NSD3: variants seen among roughly 807,000 people sequenced by gnomAD.
NSD3 encodes nuclear receptor binding SET domain protein 3.
In NSD3, 24 loss-of-function variants were observed where a neutral mutation model predicts 160.8. The ratio of observed to expected loss-of-function variants is 0.15; its 90% CI spans 0.11 to 0.21. The LOEUF (loss-of-function observed/expected upper bound fraction) is 0.21. NSD3 is among the 10% of genes least tolerant of loss of function. The pLI is 1.00. For synonymous variants in NSD3, 520 were observed against 600.0 expected (o/e 0.87, Z 1.95); for missense variants, 1,157 against 1,735.9 (o/e 0.67, Z 5.93).
chr8:38,295,763 G>C, intron 16 of NSD3, 33 bp downstream of exon 16: 1 of 1,603,284 alleles, frequency 6.2e-7, no homozygotes, highest in Admixed American at 1.7e-5. Context: ...CACAATGATT[G>C]AATACTTCCT....
At chr8:38,340,471 G>A (rs1396908436) in intron 2 of NSD3, among the ~76,000 whole-genome samples, 1 of 152,108 alleles carries the variant, frequency 6.6e-6, no homozygotes, top group Non-Finnish European at 1.5e-5. Flanking sequence ...CTGAGAAACT[G>A]GGAATACAGG....
At chr8:38,327,873 T>C (rs1809954593) in intron 6 of NSD3, among the ~76,000 whole-genome samples, 1 of 152,096 alleles carries the variant, frequency 6.6e-6, no homozygotes, top group Admixed American at 6.6e-5. Flanking sequence ...TTTAATGCAA[T>C]GGAATAGAAG....
At position 38,332,572 on chromosome 8, in the gene NSD3, C is replaced by T. The variant is rs547688222; in HGVS notation, c.911-987G>A. Reference sequence around the variant, plus strand: ...TGAGAACTGCTGATTAAGGGCAATGCTACTCTGAAATTGGTTTGACAAACA... The same window carrying T: ...TGAGAACTGCTGATTAAGGGCAATGTTACTCTGAAATTGGTTTGACAAACA... On this transcript the variant is annotated intron_variant, in intron 4 of 23. Transcript: ENST00000317025. Among the ~76,000 whole-genome samples the T allele has an allele frequency of 1.4e-4, 22 of 152,280 alleles. 1 individual carries two copies. In the East Asian group the frequency reaches 4.1e-3, roughly 28 times the overall value.
At chr8:38,369,794 T>C (rs537377771) in intron 1 of NSD3, among the ~76,000 whole-genome samples, 1 of 152,130 alleles carries the variant, frequency 6.6e-6, no homozygotes, top group Admixed American at 6.5e-5. Flanking sequence ...TTTTTGTTTT[T>C]GTTTTTGTTT....
Position 38,316,389 on chromosome 8 carries a change from G to A in NSD3, c.1856-347C>T, listed in dbSNP as rs1394223158. On this transcript the variant is annotated intron_variant, in intron 9 of 23. Coordinates refer to ENST00000317025, the MANE Select transcript of NSD3 (RefSeq NM_023034.2). This position sits in a 1 kb window ranked among gnomAD's most constrained non-coding sequence, Gnocchi z 4.5. ...TTCAAAGAACCATTCAATTTGGAGG[G>A]GGAAGACATAAAACCCAACACACTG... is the stretch of plus-strand genomic sequence containing the variant. The A allele has an allele frequency of 2.2e-5, 24 of 1,082,812 alleles. No homozygotes were observed. The highest frequency in any genetic ancestry group is 2.6e-5 in the Non-Finnish European group (23 of 889,172). The allele number at this position is 1,082,812 out of a possible 1,614,324, so 67.1% of individuals were successfully genotyped here. A position where few individuals can be genotyped will look rare whatever the true frequency, so the allele number is the denominator to read the frequency against.
intron 11 of NSD3, 43 bp downstream of exon 11, chr8:38,315,373 T>C: frequency 2.7e-6 from 4 of 1,505,914 alleles, no homozygotes; most frequent in Non-Finnish European, 3.5e-6. Flanking sequence ...TGGCAGAATA[T>C]AATAGCAATT....
chr8:38,359,990 T>G (rs1415070331), intron 1 of NSD3, among the ~76,000 whole-genome samples: 1 of 150,456 alleles, frequency 6.6e-6, no homozygotes, highest in Non-Finnish European at 1.5e-5. Context: ...GGGCATTTCC[T>G]CTCAAACAAT....
chr8:38,286,402 A>G (rs1217129180), intron 19 of NSD3, among the ~76,000 whole-genome samples: 1 of 152,164 alleles, frequency 6.6e-6, no homozygotes, highest in Non-Finnish European at 1.5e-5. Flanking sequence ...GCAGGGAAGC[A>G]GATCCTTCCC....
intron 21 of NSD3, among the ~76,000 whole-genome samples, chr8:38,278,726 C>T (rs1808670097): frequency 6.6e-6 from 1 of 152,178 alleles, no homozygotes; most frequent in Non-Finnish European, 1.5e-5. Flanking sequence ...CCAGTTCAGC[C>T]TTCTTTTCTA....
intron 2 of NSD3, among the ~76,000 whole-genome samples, chr8:38,343,668 A>C (rs746706852): frequency 1.5e-4 from 23 of 152,222 alleles, no homozygotes; most frequent in Non-Finnish European, 2.8e-4. Flanking sequence ...GCACCACTGC[A>C]CTCCACCCTG....
chr8:38,275,572 T>G lies in NSD3; in HGVS notation c.*69A>C, dbSNP rs1808578365. The stretch of plus-strand genomic sequence containing the variant: ...GCAAAGGCTGTATGCACTGTAGCAG[T>G]CTCTTCTTTTTAAATGCATGATCTA... On this transcript the variant is annotated 3_prime_UTR_variant, in exon 24 of 24. Coordinates refer to ENST00000317025, the MANE Select transcript of NSD3 (RefSeq NM_023034.2). 6.9e-7 allele frequency: 1 copy of G among 1,445,706 alleles called. No homozygotes were observed. Among genetic ancestry groups the G allele is most frequent in the African/African-American group, 1.4e-5 (1 of 70,576 alleles). 89.6% of individuals were successfully genotyped at this position (1,445,706 alleles called of 1,614,324 possible).
chr8:38,303,371 G>A, intron 14 of NSD3: 2 of 985,398 alleles, frequency 2.0e-6, no homozygotes, highest in Non-Finnish European at 2.4e-6. Flanking sequence ...TACCAGCCAG[G>A]TTTCAGAGCA....
rs1809695037 is a variant in NSD3 at position 38,317,543 on chromosome 8, CATG to C, written c.1855+1349_1855+1351del. The C allele has an allele frequency of 4.7e-6, 5 of 1,065,568 alleles. No individual in the cohort carries two copies. The highest frequency in any genetic ancestry group is 5.7e-6 in the Non-Finnish European group (5 of 879,426). The allele number at this position is 1,065,568 out of a possible 1,614,324, so 66.0% of individuals were successfully genotyped here. On this transcript the variant is annotated intron_variant, in intron 9 of 23. Coordinates refer to ENST00000317025, the MANE Select transcript of NSD3 (RefSeq NM_023034.2). This position sits in a 1 kb window ranked among gnomAD's most constrained non-coding sequence, Gnocchi z 5.3. ...CAAAGACAGCTGTCATGCTGTTCTCCATGATAACGGCACTAATATTAAAAAAAA... is the reference window on the plus strand; with the variant it reads ...CAAAGACAGCTGTCATGCTGTTCTCCATAACGGCACTAATATTAAAAAAAA...
At chr8:38,323,616 G>A (rs1348318516) in intron 7 of NSD3, among the ~76,000 whole-genome samples, 5 of 151,902 alleles carry the variant, frequency 3.3e-5, no homozygotes, top group South Asian at 2.1e-4. Flanking sequence ...CCAGGAGTTC[G>A]AGACCAGCCT....
At position 38,299,542 on chromosome 8, in the gene NSD3, T is replaced by C. The variant is rs765531670; in HGVS notation, c.2660A>G (p.Tyr887Cys). ...HSDPMFSSYAYKSHYLLNESN... is the reference protein window; with the variant it reads ...HSDPMFSSYACKSHYLLNESN... The stretch of plus-strand genomic sequence containing the variant: ...TTCATTCAGTAGGTAGTGGGACTTA[T>C]AGGCATATGAACTGAACATGGGGTC... Residue 887 changes from tyrosine to cysteine, a missense_variant, in exon 15 of 24, where the codon TAT becomes TGT. This residue lies in a region of NSD3 where 437 missense variants were observed against 576.6 expected (regional missense o/e 0.76). Coordinates refer to ENST00000317025, the MANE Select transcript of NSD3 (RefSeq NM_023034.2). The C allele has an allele frequency of 8.1e-6, 13 of 1,613,780 alleles. No homozygotes were observed. The highest frequency in any genetic ancestry group is 4.5e-5 in the East Asian group (2 of 44,888).
Position 38,275,609 on chromosome 8 carries a change from C to G in NSD3, c.*32G>C, listed in dbSNP as rs1436855461. 1 of 1,580,134 alleles carries G rather than the reference C, an allele frequency of 6.3e-7. No individual in the cohort carries two copies. The highest frequency in any genetic ancestry group is 8.6e-7 in the Non-Finnish European group (1 of 1,159,712). On this transcript the variant is annotated 3_prime_UTR_variant, in exon 24 of 24. Coordinates refer to ENST00000317025, the MANE Select transcript of NSD3 (RefSeq NM_023034.2). ...AAATGCATGATCTATTTGCTTTTTT[C>G]ACTTAAATAGAAAGGAGGGGACACC...
At position 38,291,652 on chromosome 8, in the gene NSD3, A is replaced by G. The variant is rs183186176; in HGVS notation, c.2916-975T>C. Among the ~76,000 whole-genome samples the G allele has an allele frequency of 2.3e-3, 358 of 152,352 alleles. 1 individual carries two copies. Among genetic ancestry groups the G allele is most frequent in the Non-Finnish European group, 4.5e-3 (307 of 68,024 alleles). ...CAAATTGTAAACAAAACAAAAACCA[A>G]TATTTTCTGTGATTGATACTTGGTT... On this transcript the variant is annotated intron_variant, in intron 16 of 23. Transcript: ENST00000317025.
intron 1 of NSD3, among the ~76,000 whole-genome samples, chr8:38,350,921 G>C (rs1428772849): frequency 6.6e-6 from 1 of 151,494 alleles, no homozygotes; most frequent in Non-Finnish European, 1.5e-5. Flanking sequence ...AAGATTAATG[G>C]ACAATCCATA....
At chr8:38,279,408 G>T in intron 21 of NSD3, 132 bp downstream of exon 21, 1 of 1,111,210 alleles carries the variant, frequency 9.0e-7, no homozygotes, top group Non-Finnish European at 1.3e-6. Context: ...ATTTGAATAC[G>T]TTTTCTAAAT....
Sources: allele counts gnomAD v4.1 joint callset (sites outside exome capture counted in the v4.1 genomes callset), GRCh38; gene constraint gnomAD v4.1.1; regional missense constraint gnomAD v4.1.1; non-coding constraint Gnocchi (gnomAD v3.1); transcripts MANE v1.5; gene names NCBI Gene and HGNC (gene_info 2026-07-23, HGNC 2026-07-21).